CDC14A: variants seen among roughly 807,000 people sequenced by gnomAD.
The protein encoded by CDC14A is dual specificity protein phosphatase CDC14A.
A neutral mutation model predicts 74.4 loss-of-function variants in CDC14A; 53 were observed. That is an observed-to-expected ratio of 0.71 (90% CI 0.57 to 0.89). The LOEUF is 0.89. CDC14A is among the 40% of genes least tolerant of loss of function. The probability of loss-of-function intolerance (pLI) is 0.00; values close to 1 mark genes in which losing one functional copy is unlikely to be tolerated. For synonymous variants in CDC14A, 247 were observed against 258.4 expected (o/e 0.96, Z 0.43); for missense variants, 646 against 713.7 (o/e 0.91, Z 1.08).
intron 11 of CDC14A, chr1:100,486,003 G>C (rs778410893): frequency 6.6e-6 from 1 of 152,150 alleles, no homozygotes; most frequent in Non-Finnish European, 1.5e-5. Context: ...CTTTGTCTCT[G>C]TGTTCCAGTT....
rs1341200792 is a variant in CDC14A at position 100,519,507 on chromosome 1, C to A, written c.*1227C>A. Reference sequence around the variant, plus strand: ...TGCTTAAGAATGGACTGCTTCGACACTGAAAGTGCTAGTTAAATGGATTCA... The same window carrying A: ...TGCTTAAGAATGGACTGCTTCGACAATGAAAGTGCTAGTTAAATGGATTCA... On this transcript the variant is annotated 3_prime_UTR_variant, in exon 16 of 16. Transcript: ENST00000336454. 6.6e-6 allele frequency: 1 copy of A among 152,170 alleles called. No homozygotes were observed. The highest frequency in any genetic ancestry group is 6.6e-5 in the Admixed American group (1 of 15,256). 9.4% of individuals were successfully genotyped at this position (152,170 alleles called of 1,614,324 possible).
intron 5 of CDC14A, among the ~76,000 whole-genome samples, chr1:100,428,930 G>T (rs147816709): frequency 6.6e-6 from 1 of 151,950 alleles, no homozygotes; most frequent in African/African-American, 2.4e-5. Flanking sequence ...CATATAGGCC[G>T]GGCGCGGTGG....
chr1:100,407,197 A>G (rs565280991), intron 4 of CDC14A, among the ~76,000 whole-genome samples: 1 of 151,602 alleles, frequency 6.6e-6, no homozygotes, highest in Non-Finnish European at 1.5e-5. Flanking sequence ...TTTTGATTCC[A>G]TATGAATTTT....
At chr1:100,373,749 T>G (rs537462487) in intron 2 of CDC14A, among the ~76,000 whole-genome samples, 1 of 152,226 alleles carries the variant, frequency 6.6e-6, no homozygotes, top group East Asian at 1.9e-4. Flanking sequence ...ACTGGGAAGT[T>G]AAGAAATGAG....
chr1:100,371,177 T>C (rs1654422366), intron 2 of CDC14A, among the ~76,000 whole-genome samples: 1 of 152,242 alleles, frequency 6.6e-6, no homozygotes. Flanking sequence ...ATTGAAGTTG[T>C]TTATCAGTTC....
chr1:100,448,154 C>A (rs1269433144), intron 7 of CDC14A, among the ~76,000 whole-genome samples: 1 of 152,124 alleles, frequency 6.6e-6, no homozygotes, highest in Non-Finnish European at 1.5e-5. Flanking sequence ...TCAGCCCATG[C>A]AATTTCAAGG....
intron 9 of CDC14A, among the ~76,000 whole-genome samples, chr1:100,464,699 G>A (rs866580065): frequency 2.1e-4 from 32 of 152,086 alleles, no homozygotes; most frequent in African/African-American, 7.7e-4. Flanking sequence ...TTAGCCATCC[G>A]TATCTTGGAT....
chr1:100,470,950 C>T (rs1334729334), intron 10 of CDC14A, among the ~76,000 whole-genome samples: 1 of 152,104 alleles, frequency 6.6e-6, no homozygotes, highest in Non-Finnish European at 1.5e-5. Context: ...GAAATGGAAA[C>T]ATTTGTCTAC....
chr1:100,425,422 A>C (rs1024153187), intron 5 of CDC14A, among the ~76,000 whole-genome samples: 1 of 152,162 alleles, frequency 6.6e-6, no homozygotes, highest in Non-Finnish European at 1.5e-5. Flanking sequence ...AAACTCTCAG[A>C]GGGCAGGCCC....
At chr1:100,420,063 C>CACACACACACACATATATAT in intron 4 of CDC14A, among the ~76,000 whole-genome samples, 2 of 61,592 alleles carry the variant, frequency 3.2e-5, no homozygotes, top group African/African-American at 8.0e-5. Context: ...CACACACACA[C>CACACACACACACATATATAT]ATATATATAT....
rs28361201 is a variant in CDC14A at position 100,377,253 on chromosome 1, T to C, written c.141-293T>C. ...TGGGGTTTCTCCATGTTGGTCAGGC[T>C]GGTCTCGAACACCTGACCTCAGGCA... On this transcript the variant is annotated intron_variant, in intron 2 of 15. Transcript: ENST00000336454. Among the ~76,000 whole-genome samples the C allele has an allele frequency of 0.011, 1,725 of 152,228 alleles. 30 individuals carry two copies. Among genetic ancestry groups the C allele is most frequent in the African/African-American group, 0.04 (1,644 of 41,532 alleles).
rs114558965 is a variant in CDC14A at position 100,364,129 on chromosome 1, A to C, written c.140+10277A>C. On this transcript the variant is annotated intron_variant, in intron 2 of 15. Coordinates refer to ENST00000336454, the MANE Select transcript of CDC14A (RefSeq NM_003672.4). ...GGTGGCAGATCAAGACCCTGTCACA[A>C]AAAAAAAATTTATTGATCACAATTT... 9.2e-3 allele frequency among the ~76,000 whole-genome samples: 1,393 copies of C among 151,818 alleles called. 24 individuals carry two copies. Among genetic ancestry groups the C allele is most frequent in the African/African-American group, 0.032 (1,333 of 41,432 alleles).
intron 4 of CDC14A, chr1:100,393,962 AAT>A (rs71084822): frequency 2.6e-3 from 558 of 216,542 alleles, no homozygotes; most frequent in South Asian, 6.0e-3. Flanking sequence ...CGCAAAAAAA[AAT>A]ATATATATAT....
chr1:100,503,981 C>T (rs1166518614), intron 15 of CDC14A, among the ~76,000 whole-genome samples: 2 of 152,184 alleles, frequency 1.3e-5, no homozygotes, highest in Admixed American at 6.5e-5. Flanking sequence ...CTCTCTACAT[C>T]CCACCTTGGT....
intron 10 of CDC14A, among the ~76,000 whole-genome samples, chr1:100,481,606 C>A (rs936983079): frequency 2.0e-4 from 31 of 152,266 alleles, no homozygotes; most frequent in Middle Eastern, 3.4e-3. Context: ...ATGTCCCATG[C>A]CTGGCTAGCC....
intron 15 of CDC14A, among the ~76,000 whole-genome samples, chr1:100,517,105 C>G (rs915155906): frequency 6.6e-6 from 1 of 152,242 alleles, no homozygotes; most frequent in African/African-American, 2.4e-5. Context: ...GGGACCATAA[C>G]TCTTTGACAT....
chr1:100,489,346 C>T (rs1314888664), intron 11 of CDC14A, among the ~76,000 whole-genome samples: 3 of 152,122 alleles, frequency 2.0e-5, no homozygotes, highest in Non-Finnish European at 4.4e-5. Context: ...TCTATTAGGA[C>T]TCTTCCATCT....
At chr1:100,503,593 A>C (rs1037472074) in intron 15 of CDC14A, among the ~76,000 whole-genome samples, 1 of 152,226 alleles carries the variant, frequency 6.6e-6, no homozygotes, top group Non-Finnish European at 1.5e-5. Context: ...AGGATTCCTT[A>C]TGGTTGTGAC....
upstream of CDC14A, among the ~76,000 whole-genome samples, chr1:100,350,673 A>T (rs1413698739): frequency 6.6e-6 from 1 of 152,214 alleles, no homozygotes; most frequent in African/African-American, 2.4e-5. Context: ...AAAGTTTATG[A>T]ACTGAATGAG....
Sources: allele counts gnomAD v4.1 joint callset (sites outside exome capture counted in the v4.1 genomes callset), GRCh38; gene constraint gnomAD v4.1.1; transcripts MANE v1.5; gene names NCBI Gene and HGNC (gene_info 2026-07-23, HGNC 2026-07-21).